GALK2: variants seen among roughly 807,000 people sequenced by gnomAD.
The protein encoded by GALK2 is galactokinase 2, also known as N-acetylgalactosamine kinase.
A neutral mutation model predicts 52.4 loss-of-function variants in GALK2; 36 were observed. That is an observed-to-expected ratio of 0.69 (90% CI 0.53 to 0.91). The LOEUF is 0.91. Among genes scored for constraint, GALK2 ranks in the 40% least tolerant of loss-of-function variants. The probability of loss-of-function intolerance (pLI) is 0.00; values close to 1 mark genes in which losing one functional copy is unlikely to be tolerated. For missense variants in GALK2, 579 were observed against 559.1 expected, an observed-to-expected ratio of 1.04 and a Z score of -0.36; for synonymous variants, 176 against 199.1, an observed-to-expected ratio of 0.88 and a Z score of 0.98.
At chr15:49,311,883 C>T (rs1002251524) in intron 8 of GALK2, among the ~76,000 whole-genome samples, 3 of 152,170 alleles carry the variant, frequency 2.0e-5, no homozygotes, top group African/African-American at 7.2e-5. Context: ...GGTCAATGCC[C>T]CAGGCTTCCC....
In GALK2 at chr15:49,330,413, G is replaced by A. The variant is rs771516567; in HGVS notation, c.*2254G>A. On this transcript the variant is annotated 3_prime_UTR_variant, in exon 10 of 10. Coordinates refer to ENST00000560031, the MANE Select transcript of GALK2 (RefSeq NM_002044.4). ...ACTAAAAACTTGGGCTCCAAATCAGGAGATTGTACAAGCAGTATCAGATAT... is the reference window on the plus strand; with the variant it reads ...ACTAAAAACTTGGGCTCCAAATCAGAAGATTGTACAAGCAGTATCAGATAT... 1 of 152,152 alleles carries A rather than the reference G, an allele frequency of 6.6e-6. No individual in the cohort carries two copies. The highest frequency in any genetic ancestry group is 1.5e-5 in the Non-Finnish European group (1 of 68,038). The allele number at this position is 152,152 out of a possible 1,614,324, so 9.4% of individuals were successfully genotyped here. A position where few individuals can be genotyped will look rare whatever the true frequency, so the allele number is the denominator to read the frequency against.
At chr15:49,336,188 G>GCCTCAGTTAGCCTGGCTT (rs2039683899), downstream of GALK2, among the ~76,000 whole-genome samples, 2 of 152,254 alleles carry the variant, frequency 1.3e-5, no homozygotes, top group African/African-American at 2.4e-5. Flanking sequence ...ATGCGTGGCT[G>GCCTCAGTTAGCCTGGCTT]CCTCAGTTAG....
chr15:49,342,401 AT>A (rs1208092371), intron 3 of GALK2, among the ~76,000 whole-genome samples: 1 of 152,046 alleles, frequency 6.6e-6, no homozygotes, highest in East Asian at 1.9e-4. Context: ...CAGTCCTTTA[AT>A]TTGAGCCTAG....
chr15:49,261,471 A>C (rs1485846938), intron 5 of GALK2, among the ~76,000 whole-genome samples: 1 of 151,994 alleles, frequency 6.6e-6, no homozygotes, highest in African/African-American at 2.4e-5. Flanking sequence ...TTTTGGGCTG[A>C]GACAATGGGG....
intron 3 of GALK2, among the ~76,000 whole-genome samples, chr15:49,360,256 C>G (rs918103093): frequency 1.3e-5 from 2 of 149,000 alleles, no homozygotes; most frequent in Non-Finnish European, 3.0e-5. Flanking sequence ...AAAAAAAAGT[C>G]TGTGTATGCA....
At chr15:49,235,255 A>G (rs571065024) in intron 3 of GALK2, among the ~76,000 whole-genome samples, 17 of 152,338 alleles carry the variant, frequency 1.1e-4, no homozygotes, top group African/African-American at 4.1e-4. Flanking sequence ...TTCTATTCAC[A>G]TCATTCCTTC....
In GALK2 at chr15:49,331,605, A is replaced by G. The variant is rs2038765809; in HGVS notation, c.*3446A>G. On this transcript the variant is annotated 3_prime_UTR_variant, in exon 10 of 10. Transcript: ENST00000560031. ...GAATGTGAACATGAGTTGTCACTAA[A>G]TATGTAAAACAGATTTTCTTACATG... is the stretch of plus-strand genomic sequence containing the variant. The G allele has an allele frequency of 1.8e-6, 1 of 551,298 alleles. No individual in the cohort carries two copies. The highest frequency in any genetic ancestry group is 3.2e-6 in the Non-Finnish European group (1 of 311,490). 34.2% of individuals were successfully genotyped at this position (551,298 alleles called of 1,614,324 possible). A position where few individuals can be genotyped will look rare whatever the true frequency, so the allele number is the denominator to read the frequency against.
chr15:49,160,283 A>T (rs972434032), intron 1 of GALK2, among the ~76,000 whole-genome samples: 15 of 152,040 alleles, frequency 9.9e-5, no homozygotes, highest in Non-Finnish European at 1.8e-4. Context: ...TCAAAAAAGA[A>T]AAAAAAAGAT....
At chr15:49,216,928 A>G (rs74368018) in intron 2 of GALK2, among the ~76,000 whole-genome samples, 4,738 of 152,200 alleles carry the variant, frequency 0.031, 146 homozygotes, top group African/African-American at 0.071. Flanking sequence ...CCCTGATGTT[A>G]TGTTAAAACC....
At chr15:49,318,358 A>G (rs1328784883) in intron 8 of GALK2, among the ~76,000 whole-genome samples, 6 of 152,232 alleles carry the variant, frequency 3.9e-5, no homozygotes, top group Non-Finnish European at 8.8e-5. Context: ...TGGACCACAG[A>G]GATAACTAAT....
At chr15:49,201,332 A>G (rs1350922797) in intron 2 of GALK2, 82 bp downstream of exon 2, 4 of 729,738 alleles carry the variant, frequency 5.5e-6, no homozygotes, top group African/African-American at 1.8e-5. Flanking sequence ...TTCTTTCTTA[A>G]TTTTTCCCAA....
intron 5 of GALK2, among the ~76,000 whole-genome samples, chr15:49,242,252 G>C (rs1036911437): frequency 6.6e-6 from 1 of 152,176 alleles, no homozygotes; most frequent in Non-Finnish European, 1.5e-5. Flanking sequence ...TTAATAAAGA[G>C]ACTTTTACAG....
chr15:49,258,821 TGTGTGTGTGAGAGAGA>T (rs2091937608), intron 5 of GALK2, among the ~76,000 whole-genome samples: 1 of 146,542 alleles, frequency 6.8e-6, no homozygotes, highest in South Asian at 2.2e-4. Context: ...TGTGTGTGTG[TGTGTGTGTGAGAGAGA>T]GAGAGAGAGA....
intron 3 of GALK2, among the ~76,000 whole-genome samples, chr15:49,350,738 G>A (rs894317654): frequency 2.0e-5 from 3 of 152,114 alleles, no homozygotes; most frequent in Non-Finnish European, 2.9e-5. Flanking sequence ...CTAACACACA[G>A]GAAGCTTCTC....
rs137885400 is a variant in GALK2, at chr15:49,244,959, T to G, written c.504+5592T>G. Among the ~76,000 whole-genome samples, 3 of 152,006 alleles carry G rather than the reference T, an allele frequency of 2.0e-5. No homozygotes were observed. In the East Asian group the frequency reaches 5.8e-4, roughly 29 times the overall value. The stretch of plus-strand genomic sequence containing the variant: ...GGATATGACAAAGCTCAGCTAGATA[T>G]ACAAATCTAAGCAAATGAAGAAATG... On this transcript the variant is annotated intron_variant, in intron 5 of 9. Transcript: ENST00000560031.
intron 3 of GALK2, among the ~76,000 whole-genome samples, chr15:49,358,832 A>C (rs534377088): frequency 6.6e-6 from 1 of 152,168 alleles, no homozygotes; most frequent in African/African-American, 2.4e-5. Context: ...ACCTGACTTC[A>C]AACTATACTA....
chr15:49,201,584 G>A (rs575869461), intron 2 of GALK2, among the ~76,000 whole-genome samples: 4 of 152,150 alleles, frequency 2.6e-5, no homozygotes, highest in South Asian at 2.1e-4. Context: ...TTACTCACTG[G>A]GTTAGAGGAG....
intron 1 of GALK2, among the ~76,000 whole-genome samples, chr15:49,171,774 CTTAT>C (rs1253937522): frequency 1.5e-5 from 2 of 130,986 alleles, no homozygotes; most frequent in Admixed American, 8.7e-5. Flanking sequence ...GTAGTTTAGT[CTTAT>C]TTTTTTTTTT....
intron 1 of GALK2, chr15:49,193,927 C>T (rs1471995293): frequency 6.6e-6 from 1 of 151,946 alleles, no homozygotes; most frequent in Non-Finnish European, 1.5e-5. Flanking sequence ...CGGGGTTTCA[C>T]TGTGTTAGCC....
Sources: gnomAD v4.1 joint callset for allele counts (sites outside exome capture counted in the v4.1 genomes callset) on GRCh38, gnomAD v4.1.1 for gene constraint, MANE v1.5 for transcripts, NCBI Gene and HGNC (gene_info 2026-07-23, HGNC 2026-07-21) for gene names.